Variants in SNRK observed in about 807,000 individuals in gnomAD.
SNRK encodes SNF-related serine/threonine-protein kinase.
In SNRK, 3 loss-of-function variants were observed where a neutral mutation model predicts 48.2. The ratio of observed to expected loss-of-function variants is 0.06; its 90% confidence interval spans 0.03 to 0.16. The LOEUF (loss-of-function observed/expected upper bound fraction) is 0.16. Among genes scored for constraint, SNRK ranks in the 10% least tolerant of loss-of-function variants. The probability of loss-of-function intolerance (pLI) is 1.00; values close to 1 mark genes in which losing one functional copy is unlikely to be tolerated. For synonymous variants in SNRK, 376 were observed against 366.1 expected (o/e 1.03, Z -0.31); for missense variants, 627 against 976.0 (o/e 0.64, Z 4.76).
chr3:43,298,891 T>A (rs146091895), intron 1 of SNRK, among the ~76,000 whole-genome samples: 13 of 152,328 alleles, frequency 8.5e-5, no homozygotes, highest in African/African-American at 3.1e-4. Context: ...TGATCCCTAA[T>A]GCTGGCATCA....
intron 4 of SNRK, among the ~76,000 whole-genome samples, chr3:43,335,348 G>A (rs915481428): frequency 1.3e-5 from 2 of 152,090 alleles, no homozygotes; most frequent in African/African-American, 4.8e-5. Context: ...TTGTTTACAG[G>A]GGTGTTTTAC....
At chr3:43,298,321 A>T (rs1368332888) in intron 1 of SNRK, among the ~76,000 whole-genome samples, 2 of 152,028 alleles carry the variant, frequency 1.3e-5, no homozygotes, top group African/African-American at 4.8e-5. Flanking sequence ...GAGACTAGGG[A>T]TGAAACAGGG....
intron 1 of SNRK, among the ~76,000 whole-genome samples, chr3:43,288,680 A>G (rs1426156919): frequency 6.6e-6 from 1 of 152,218 alleles, no homozygotes; most frequent in Admixed American, 6.5e-5. Flanking sequence ...CAGCTTGTCT[A>G]ATCCTAAGAG....
intron 3 of SNRK, among the ~76,000 whole-genome samples, chr3:43,304,833 T>C (rs1167364401): frequency 2.0e-5 from 3 of 152,140 alleles, no homozygotes; most frequent in African/African-American, 7.2e-5. Flanking sequence ...TTTCATGTTA[T>C]GACTATCATG....
chr3:43,342,652 TA>T (rs1179805739), intron 5 of SNRK, among the ~76,000 whole-genome samples: 2 of 152,264 alleles, frequency 1.3e-5, no homozygotes, highest in African/African-American at 4.8e-5. Context: ...AGCACACTCC[TA>T]GTATGTATGT....
chr3:43,316,819 C>T (rs1429848299), intron 3 of SNRK, among the ~76,000 whole-genome samples: 1 of 151,782 alleles, frequency 6.6e-6, no homozygotes, highest in South Asian at 2.1e-4. Flanking sequence ...CTTTCCTCTT[C>T]CCTGAGGAGC....
Position 43,347,843 on chromosome 3 carries a change from G to A in SNRK, c.1584G>A (p.Arg528=). 6.2e-7 allele frequency: 1 copy of A among 1,614,190 alleles called. No individual in the cohort carries two copies. The highest frequency in any genetic ancestry group is 2.2e-5 in the East Asian group (1 of 44,866). The part of the protein sequence containing the change: ...SPGTVHKRYH[R]RKSQGRGSSC... ...GTACAGTTCACAAACGCTACCACCG[G>A]AGGAAAAGTCAGGGCCGGGGCTCCA... Residue 528 remains arginine (R), a synonymous_variant, in exon 7 of 7, where the codon CGG becomes CGA. Transcript: ENST00000296088. The surrounding 1 kb of genome is among the most constrained non-coding windows in gnomAD (Gnocchi z 5.4).
At chr3:43,302,336 G>A (rs1358312140) in intron 2 of SNRK, among the ~76,000 whole-genome samples, 1 of 152,138 alleles carries the variant, frequency 6.6e-6, no homozygotes, top group Non-Finnish European at 1.5e-5. Context: ...TGATGCAAGA[G>A]CAAACAATTA....
At chr3:43,292,902 G>A (rs896712370) in intron 1 of SNRK, among the ~76,000 whole-genome samples, 1 of 152,102 alleles carries the variant, frequency 6.6e-6, no homozygotes, top group Non-Finnish European at 1.5e-5. Flanking sequence ...TGTACAGAAT[G>A]TGCAGGTTTG....
In SNRK at chr3:43,347,869, G is replaced by T; in HGVS notation, c.1610G>T (p.Ser537Ile). The change falls in exon 7 of 7, where the codon AGC (serine) becomes ATC (isoleucine). Residue 537 changes from serine to isoleucine, a missense_variant. Transcript: ENST00000296088. The surrounding 1 kb of genome is among the most constrained non-coding windows in gnomAD (Gnocchi z 5.4). The part of the protein sequence containing the change: ...HRRKSQGRGS[S>I]CSSSETSDDD... ...AGGAAAAGTCAGGGCCGGGGCTCCAGCTGCAGTAGTTCGGAGACCAGTGAT... is the reference window on the plus strand; with the variant it reads ...AGGAAAAGTCAGGGCCGGGGCTCCATCTGCAGTAGTTCGGAGACCAGTGAT... 6.2e-7 allele frequency: 1 copy of T among 1,614,204 alleles called. No individual in the cohort carries two copies. The highest frequency in any genetic ancestry group is 8.5e-7 in the Non-Finnish European group (1 of 1,180,038).
rs998375572 is a variant in SNRK at position 43,350,718 on chromosome 3, A to G, written c.*2161A>G. The G allele has an allele frequency of 6.5e-6, 1 of 152,678 alleles. No homozygotes were observed. The highest frequency in any genetic ancestry group is 2.4e-5 in the African/African-American group (1 of 41,452). 9.5% of individuals were successfully genotyped at this position (152,678 alleles called of 1,614,324 possible). A position where few individuals can be genotyped will look rare whatever the true frequency, so the allele number is the denominator to read the frequency against. ...AAAAGGGAGGGAGCGAAAAACCATT[A>G]CATTAAGATAATATTGGACCAAACT... On this transcript the variant is annotated 3_prime_UTR_variant, in exon 7 of 7. Coordinates refer to ENST00000296088, the MANE Select transcript of SNRK (RefSeq NM_017719.5).
intron 1 of SNRK, among the ~76,000 whole-genome samples, chr3:43,289,031 C>T (rs2090788800): frequency 6.6e-6 from 1 of 152,024 alleles, no homozygotes; most frequent in Non-Finnish European, 1.5e-5. Flanking sequence ...AGAGGGAGGG[C>T]AGCAGTAGAA....
At chr3:43,291,421 C>T (rs1028818255) in intron 1 of SNRK, among the ~76,000 whole-genome samples, 1 of 151,988 alleles carries the variant, frequency 6.6e-6, no homozygotes, top group Non-Finnish European at 1.5e-5. Flanking sequence ...TGTTTAGGGG[C>T]CAGTTTGTTG....
intron 2 of SNRK, 22 bp downstream of exon 2, chr3:43,299,837 A>G (rs1575533489): frequency 6.6e-6 from 1 of 152,620 alleles, no homozygotes; most frequent in Non-Finnish European, 1.5e-5. Context: ...AGACAGTACA[A>G]ATTCACCTTT....
At chr3:43,323,979 T>C (rs1305160040) in intron 3 of SNRK, among the ~76,000 whole-genome samples, 3 of 152,212 alleles carry the variant, frequency 2.0e-5, no homozygotes, top group Non-Finnish European at 4.4e-5. Context: ...GTAACACAGC[T>C]GCTCTGTATC....
In SNRK at chr3:43,350,157, G is replaced by T. The variant is rs2091312358; in HGVS notation, c.*1600G>T. On this transcript the variant is annotated 3_prime_UTR_variant, in exon 7 of 7. Transcript: ENST00000296088. The stretch of plus-strand genomic sequence containing the variant: ...CTTAAAATACTTATTTTACTTTCTA[G>T]ACCTAGGCTAGATGTTTTAAGCTAC... 6.6e-6 allele frequency: 1 copy of T among 152,492 alleles called. No individual in the cohort carries two copies. Among genetic ancestry groups the T allele is most frequent in the African/African-American group, 2.4e-5 (1 of 41,376 alleles). 9.4% of individuals were successfully genotyped at this position (152,492 alleles called of 1,614,324 possible). A position where few individuals can be genotyped will look rare whatever the true frequency, so the allele number is the denominator to read the frequency against.
intron 3 of SNRK, among the ~76,000 whole-genome samples, chr3:43,323,237 T>C (rs1379184659): frequency 1.3e-5 from 2 of 152,070 alleles, no homozygotes; most frequent in East Asian, 3.9e-4. Flanking sequence ...ACTTCTAGAA[T>C]AAAACATAGG....
At chr3:43,317,857 AC>A (rs1377136969) in intron 3 of SNRK, among the ~76,000 whole-genome samples, 2 of 152,054 alleles carry the variant, frequency 1.3e-5, no homozygotes, top group Non-Finnish European at 1.5e-5. Flanking sequence ...GGGCTCTGTT[AC>A]CTCCATTTGT....
In SNRK at chr3:43,347,981, T is replaced by C. The variant is rs2091290749; in HGVS notation, c.1722T>C (p.Pro574=). 1.2e-6 allele frequency: 2 copies of C among 1,613,766 alleles called. No homozygotes were observed. Among genetic ancestry groups the C allele is most frequent in the African/African-American group, 2.7e-5 (2 of 74,910 alleles). Residue 574 remains proline, a synonymous_variant, in exon 7 of 7, where the codon CCT becomes CCC. Coordinates refer to ENST00000296088, the MANE Select transcript of SNRK (RefSeq NM_017719.5). The surrounding 1 kb of genome is among the most constrained non-coding windows in gnomAD (Gnocchi z 5.4). ...WHRRDSSEGP[P]GSEGDGGGQS... is the part of the protein sequence containing the mutation. ...GACGGGATAGCAGCGAGGGGCCCCC[T>C]GGCAGTGAGGGGGATGGCGGGGGCC...
Sources: gnomAD v4.1 joint callset for allele counts (sites outside exome capture counted in the v4.1 genomes callset) on GRCh38, gnomAD v4.1.1 for gene constraint, Gnocchi (gnomAD v3.1) non-coding constraint, MANE v1.5 for transcripts, NCBI Gene and HGNC (gene_info 2026-07-23, HGNC 2026-07-21) for gene names.